Variants in HTATSF1 observed in about 807,000 individuals in gnomAD.
The protein encoded by HTATSF1 is HIV-1 Tat specific factor 1.
In HTATSF1, 6 loss-of-function variants were observed where a neutral mutation model predicts 46.1. The observed-to-expected ratio is 0.13, with a 90% CI of 0.07 to 0.26. The LOEUF is 0.26. Ranked by LOEUF, HTATSF1 falls within the 10% of genes least tolerant of loss-of-function variation. HTATSF1 has a pLI of 1.00. For synonymous variants in HTATSF1, 226 were observed against 211.5 expected (o/e 1.07, Z -0.60); for missense variants, 452 against 559.9 (o/e 0.81, Z 1.94).
At chrX:136,508,818 C>T (rs1406350018) in intron 6 of HTATSF1, among the ~76,000 whole-genome samples, 1 of 112,672 alleles carries the variant, frequency 8.9e-6, no homozygotes, top group African/African-American at 3.2e-5. Flanking sequence ...CTTCCACCAT[C>T]TTCTCCTGCT....
At chrX:136,503,764 A>G (rs911288107) in intron 5 of HTATSF1, among the ~76,000 whole-genome samples, 5 of 112,137 alleles carry the variant, frequency 4.5e-5, no homozygotes, top group African/African-American at 1.6e-4. Flanking sequence ...GAGATTTTTC[A>G]AGGGTCTCAT....
In HTATSF1 at chrX:136,502,907, A is replaced by C. The variant is rs760367534; in HGVS notation, c.700A>C (p.Lys234Gln). ...YDASKKKKKC[K>Q]DYKKKLSMQQ... ...TGCCTCAAAGAAGAAGAAGAAGTGC[A>C]AAGACTATAAGAAGAAGCTGTCTAT... Residue 234 changes from lysine to glutamine, a missense_variant, in exon 5 of 9, where the codon AAA (lysine) becomes CAA (glutamine). Coordinates refer to ENST00000218364, the MANE Select transcript of HTATSF1 (RefSeq NM_014500.5). The C allele has an allele frequency of 5.2e-6, 6 of 1,144,427 alleles. No homozygotes were observed. Among genetic ancestry groups the C allele is most frequent in the Admixed American group, 5.1e-5 (2 of 39,500 alleles). The allele number at this position is 1,144,427 out of a possible 1,213,427, so 94.3% of individuals were successfully genotyped here.
At chrX:136,501,621 G>A (rs893523079) in intron 4 of HTATSF1, among the ~76,000 whole-genome samples, 2 of 112,159 alleles carry the variant, frequency 1.8e-5, no homozygotes, top group Non-Finnish European at 3.8e-5. Context: ...ATGTACATAA[G>A]TCAAACCTGG....
chrX:136,502,526 T>C (rs934195910), intron 4 of HTATSF1, among the ~76,000 whole-genome samples: 1 of 111,085 alleles, frequency 9.0e-6, no homozygotes, highest in Non-Finnish European at 1.9e-5. Flanking sequence ...TACGACGATA[T>C]TGGGGCTCAG....
chrX:136,498,051 G>A (rs1352095654), intron 1 of HTATSF1, among the ~76,000 whole-genome samples, 181 bp downstream of exon 1: 1 of 112,788 alleles, frequency 8.9e-6, no homozygotes, highest in Non-Finnish European at 1.9e-5. Flanking sequence ...AATCTTTAGG[G>A]TAGTGTCTTA....
intron 1 of HTATSF1, 35 bp from the exon 2 acceptor site, chrX:136,499,562 AT>A (rs770100156): frequency 1.1e-5 from 12 of 1,057,446 alleles, no homozygotes; most frequent in Non-Finnish European, 1.5e-5. Context: ...ATAATTTTGA[AT>A]TTCTCTGTCC....
chrX:136,512,071 G>A lies in HTATSF1; in HGVS notation c.*58G>A. Reference sequence around the variant, plus strand: ...CATCTACATTTGCCTGTGCTTCAGGGTAATTACTAGTAGTGTTACATGAAC... The same window carrying A: ...CATCTACATTTGCCTGTGCTTCAGGATAATTACTAGTAGTGTTACATGAAC... On this transcript the variant is annotated 3_prime_UTR_variant, in exon 9 of 9. Transcript: ENST00000218364. 2.8e-6 allele frequency: 3 copies of A among 1,077,809 alleles called. No homozygotes were observed. Among genetic ancestry groups the A allele is most frequent in the Non-Finnish European group, 1.2e-6 (1 of 801,287 alleles). The allele number at this position is 1,077,809 out of a possible 1,213,427, so 88.8% of individuals were successfully genotyped here.
chrX:136,508,477 G>T (rs2075752723), intron 6 of HTATSF1, among the ~76,000 whole-genome samples: 1 of 112,243 alleles, frequency 8.9e-6, no homozygotes, highest in South Asian at 3.7e-4. Flanking sequence ...GCTCATAGTT[G>T]CAAGAAAGCA....
At chrX:136,497,519 C>G (rs2075696734), upstream of HTATSF1, 2 of 310,532 alleles carry the variant, frequency 6.4e-6, no homozygotes, top group South Asian at 3.6e-4. Flanking sequence ...GTGCAGCCGC[C>G]GAGCGGCCGC....
intron 6 of HTATSF1, among the ~76,000 whole-genome samples, chrX:136,507,690 T>G (rs2075748811): frequency 2.7e-5 from 3 of 111,762 alleles, no homozygotes; most frequent in Admixed American, 9.5e-5. Context: ...TTTTTTTTTG[T>G]TTTTGATATA....
rs2148523680 is a variant in HTATSF1, at chrX:136,511,044, G to C, written c.1299G>C (p.Lys433Asn). The stretch of plus-strand genomic sequence containing the variant: ...CTATAGATGAGAAGAAGTTTGAAAA[G>C]ACAGAAGATGGGGGAGAATTTGAAG... ...EEPIDEKKFE[K>N]TEDGGEFEEG... Residue 433 changes from lysine (K) to asparagine (N), a missense_variant, in exon 9 of 9, where the codon AAG (lysine) becomes AAC (asparagine). Coordinates refer to ENST00000218364, the MANE Select transcript of HTATSF1 (RefSeq NM_014500.5). 1.7e-6 allele frequency: 2 copies of C among 1,211,668 alleles called. No homozygotes were observed. Among genetic ancestry groups the C allele is most frequent in the Non-Finnish European group, 2.2e-6 (2 of 895,511 alleles).
rs769763008 is a variant in HTATSF1, at chrX:136,499,837, G to C, written c.367+59G>C. ...AAAATTAAAAATATGGGTGTGCATA[G>C]GTACAGTTGCTTTTTCGAGAATTAT... On this transcript the variant is annotated intron_variant, in intron 2 of 8. Transcript: ENST00000218364. 679 of 895,779 alleles carry C rather than the reference G, an allele frequency of 7.6e-4. 4 individuals carry two copies. The African/African-American group carries it at 0.012, about 16-fold the overall frequency. The allele number at this position is 895,779 out of a possible 1,213,427, so 73.8% of individuals were successfully genotyped here. A position where few individuals can be genotyped will look rare whatever the true frequency, so the allele number is the denominator to read the frequency against.
rs754917399 is a variant in HTATSF1 at position 136,512,174 on chromosome X, A to G, written c.*161A>G. 9 of 452,164 alleles carry G rather than the reference A, an allele frequency of 2.0e-5. No homozygotes were observed. The highest frequency in any genetic ancestry group is 3.1e-5 in the Non-Finnish European group (9 of 288,769). 37.3% of individuals were successfully genotyped at this position (452,164 alleles called of 1,213,427 possible). ...TTACCTGTACCTAATGGTTTTAAAT[A>G]TATGTTAATTGATTGTTTAGTTAAA... On this transcript the variant is annotated 3_prime_UTR_variant, in exon 9 of 9. Coordinates refer to ENST00000218364, the MANE Select transcript of HTATSF1 (RefSeq NM_014500.5).
In HTATSF1 at chrX:136,511,264, A is replaced by T. The variant is rs1371566016; in HGVS notation, c.1519A>T (p.Thr507Ser). 3.8e-5 allele frequency: 46 copies of T among 1,209,363 alleles called. No homozygotes were observed. Among genetic ancestry groups the T allele is most frequent in the Non-Finnish European group, 5.1e-5 (46 of 894,884 alleles). The change falls in exon 9 of 9, where the codon ACA becomes TCA. Residue 507 changes from threonine (T) to serine (S), a missense_variant. Thr to Ser is a moderately conservative substitution (Grantham distance 58). This residue lies in a region of HTATSF1 where 246 missense variants were observed against 245.3 expected (regional missense o/e 1.00). Transcript: ENST00000218364. ...TCCTAAAAAAGAGTCTAAAAAGAAG[A>T]CACTCAAAAATGATTGTGAAGAGAA... ...DSPKKESKKK[T>S]LKNDCEENGL...
Position 136,511,532 on chromosome X carries a change from A to C in HTATSF1, c.1787A>C (p.Asp596Ala), listed in dbSNP as rs1250186303. ...CTTGACAAAGAGTTAGAAGAAAATGACTCTGAAAACTCCGAATTTGAAGAT... is the reference window on the plus strand; with the variant it reads ...CTTGACAAAGAGTTAGAAGAAAATGCCTCTGAAAACTCCGAATTTGAAGAT... ...NVLDKELEEN[D>A]SENSEFEDDG... The change falls in exon 9 of 9, where the codon GAC becomes GCC. Residue 596 changes from aspartate (D) to alanine (A), a missense_variant. By Grantham distance (126) the Asp-to-Ala change is moderately radical (BLOSUM62 -2). This residue lies in a region of HTATSF1 where 246 missense variants were observed against 245.3 expected (regional missense o/e 1.00). Transcript: ENST00000218364. 28 of 1,208,626 alleles carry C rather than the reference A, an allele frequency of 2.3e-5. No homozygotes were observed. The highest frequency in any genetic ancestry group is 3.0e-5 in the Non-Finnish European group (27 of 894,768).
intron 6 of HTATSF1, among the ~76,000 whole-genome samples, chrX:136,505,230 G>A (rs866851293): frequency 2.1e-4 from 23 of 112,097 alleles, no homozygotes; most frequent in Admixed American, 5.7e-4. Flanking sequence ...TGTTCATAAC[G>A]TAAAATTCCG....
chrX:136,500,909 G>A, intron 4 of HTATSF1, 91 bp downstream of exon 4: 3 of 594,700 alleles, frequency 5.0e-6, no homozygotes, highest in Non-Finnish European at 7.4e-6. Flanking sequence ...CCAACACCAA[G>A]AACTGTTCAA....
Position 136,499,784 on chromosome X carries a change from T to C in HTATSF1, c.367+6T>C, listed in dbSNP as rs2075709559. 1 of 1,142,784 alleles carries C rather than the reference T, an allele frequency of 8.8e-7. No individual in the cohort carries two copies. The highest frequency in any genetic ancestry group is 1.8e-5 in the African/African-American group (1 of 54,239). 94.2% of individuals were successfully genotyped at this position (1,142,784 alleles called of 1,213,427 possible). Reference sequence around the variant, plus strand: ...AAAAAGAAAGGCTGAGTCAGGTAAGTGGTTCTAGCTTACAAATTTTAAGTG... The same window carrying C: ...AAAAAGAAAGGCTGAGTCAGGTAAGCGGTTCTAGCTTACAAATTTTAAGTG... On this transcript the variant is annotated splice_donor_region_variant and intron_variant, in intron 2 of 8. Coordinates refer to ENST00000218364, the MANE Select transcript of HTATSF1 (RefSeq NM_014500.5).
chrX:136,497,577 C>T (rs959153341), upstream of HTATSF1: 17 of 630,320 alleles, frequency 2.7e-5, no homozygotes, highest in African/African-American at 1.8e-4. Flanking sequence ...GGCCGGGGGG[C>T]GGCGGGGCGC....
Sources: gnomAD v4.1 joint callset for allele counts (sites outside exome capture counted in the v4.1 genomes callset) on GRCh38, gnomAD v4.1.1 for gene constraint, gnomAD v4.1.1 regional missense constraint, MANE v1.5 for transcripts, NCBI Gene and HGNC (gene_info 2026-07-23, HGNC 2026-07-21) for gene names.